Variants in FGF12 observed in about 807,000 individuals in gnomAD.
FGF12 encodes the protein fibroblast growth factor 12B.
Under a neutral mutation model 23.6 loss-of-function variants are expected in FGF12, and 14 were observed. The ratio of observed to expected loss-of-function variants is 0.59; its 90% CI spans 0.39 to 0.93. The LOEUF is 0.93. Ranked by LOEUF, FGF12 falls within the 40% of genes least tolerant of loss-of-function variation. FGF12 has a pLI of 0.00. For missense variants in FGF12, 175 were observed against 217.8 expected (o/e 0.80, Z 1.24); for synonymous variants, 62 against 77.3 (o/e 0.80, Z 1.04).
chr3:192,322,456 A>G (rs1716596028), intron 4 of FGF12, among the ~76,000 whole-genome samples: 1 of 151,962 alleles, frequency 6.6e-6, no homozygotes. Flanking sequence ...TTACAGAAAT[A>G]GAAAAAAATA....
intron 2 of FGF12, among the ~76,000 whole-genome samples, chr3:192,435,387 A>ACAG (rs1198749955): frequency 6.6e-6 from 1 of 152,180 alleles, no homozygotes; most frequent in African/African-American, 2.4e-5. Flanking sequence ...GAGACAGGAG[A>ACAG]GCTTAGCAAA....
At chr3:192,170,277 C>T (rs903642221) in intron 5 of FGF12, among the ~76,000 whole-genome samples, 181 bp downstream of exon 5, 4 of 113,230 alleles carry the variant, frequency 3.5e-5, no homozygotes, top group African/African-American at 1.7e-4. Context: ...AAGACTCTGC[C>T]TCAAAAGAAA....
At chr3:192,356,580 C>A (rs1373062813) in intron 3 of FGF12, among the ~76,000 whole-genome samples, 1 of 152,098 alleles carries the variant, frequency 6.6e-6, no homozygotes, top group Non-Finnish European at 1.5e-5. Flanking sequence ...TCTGTTCCTG[C>A]CGACAAATCC....
rs562451087 is a variant in FGF12 at position 192,267,897 on chromosome 3, A to G, written c.228+67464T>C. Among the ~76,000 whole-genome samples, 31 of 152,322 alleles carry G rather than the reference A, an allele frequency of 2.0e-4. No homozygotes were observed. The East Asian group carries it at 5.6e-3, about 27-fold the overall frequency. On this transcript the variant is annotated intron_variant, in intron 4 of 5. Coordinates refer to ENST00000445105, the MANE Select transcript of FGF12 (RefSeq NM_004113.6). ...ACAAATTTCTAACAACGCACCTTTA[A>G]TAAGTTTAACACAAATCATAGTTCT...
chr3:192,346,228 C>CCCT (rs753532114), intron 3 of FGF12, among the ~76,000 whole-genome samples: 3 of 152,146 alleles, frequency 2.0e-5, no homozygotes, highest in Non-Finnish European at 2.9e-5. Flanking sequence ...AGCTTACACT[C>CCCT]CCTTAAGTGT....
intron 5 of FGF12, among the ~76,000 whole-genome samples, chr3:192,148,589 T>C (rs1713856040): frequency 6.6e-6 from 1 of 152,184 alleles, no homozygotes; most frequent in African/African-American, 2.4e-5. Context: ...TAAAAATGAT[T>C]AAAATGGTAA....
At chr3:192,267,318 G>A (rs1278411410) in intron 4 of FGF12, among the ~76,000 whole-genome samples, 20 of 152,056 alleles carry the variant, frequency 1.3e-4, no homozygotes, top group Admixed American at 1.2e-3. Flanking sequence ...TCATCTTTAT[G>A]CCAAAATACA....
chr3:192,583,631 CT>C (rs943941881), intron 2 of FGF12, among the ~76,000 whole-genome samples: 1 of 152,176 alleles, frequency 6.6e-6, no homozygotes, highest in African/African-American at 2.4e-5. Context: ...TTCAGACCCC[CT>C]GACTTCATCC....
intron 2 of FGF12, among the ~76,000 whole-genome samples, chr3:192,647,716 T>TATAC (rs1716062812): frequency 2.8e-5 from 4 of 145,282 alleles, no homozygotes; most frequent in African/African-American, 1.1e-4. Flanking sequence ...TATATACATA[T>TATAC]ATATATACAC....
intron 2 of FGF12, among the ~76,000 whole-genome samples, chr3:192,378,707 C>CTT (rs11382928): frequency 1.3e-5 from 2 of 151,610 alleles, no homozygotes; most frequent in Admixed American, 6.6e-5. Context: ...ATCAAAAGCA[C>CTT]TTTTTTTTAG....
chr3:192,296,062 CTTTTTT>C (rs34021285), intron 4 of FGF12, among the ~76,000 whole-genome samples: 1 of 78,092 alleles, frequency 1.3e-5, no homozygotes, highest in Non-Finnish European at 2.4e-5. Flanking sequence ...GTTTTTCTTT[CTTTTTT>C]TTTTTTTTTT....
At chr3:192,224,671 T>C (rs1718641906) in intron 4 of FGF12, among the ~76,000 whole-genome samples, 1 of 152,156 alleles carries the variant, frequency 6.6e-6, no homozygotes, top group Non-Finnish European at 1.5e-5. Context: ...TGTTTTCATT[T>C]TTATAATGAG....
At chr3:192,529,820 G>C (rs1725043276) in intron 2 of FGF12, among the ~76,000 whole-genome samples, 2 of 151,944 alleles carry the variant, frequency 1.3e-5, no homozygotes, top group Non-Finnish European at 2.9e-5. Flanking sequence ...AACAGCACAG[G>C]AAAGACCCAC....
At chr3:192,702,210 A>C (rs928400053) in intron 2 of FGF12, among the ~76,000 whole-genome samples, 1 of 152,188 alleles carries the variant, frequency 6.6e-6, no homozygotes. Flanking sequence ...CCTTTCTTAA[A>C]GGCTGAATTG....
intron 4 of FGF12, among the ~76,000 whole-genome samples, chr3:192,322,769 T>C (rs1355613705): frequency 2.6e-5 from 4 of 152,130 alleles, no homozygotes; most frequent in Non-Finnish European, 4.4e-5. Flanking sequence ...CTTTGATAAA[T>C]GGTGCTTGGA....
chr3:192,581,259 A>G (rs1381773105), intron 2 of FGF12, among the ~76,000 whole-genome samples: 1 of 151,966 alleles, frequency 6.6e-6, no homozygotes, highest in East Asian at 1.9e-4. Context: ...AGCATGTTAA[A>G]ATATATTTCA....
chr3:192,658,980 G>T (rs569454835), intron 2 of FGF12, among the ~76,000 whole-genome samples: 251 of 152,266 alleles, frequency 1.6e-3, no homozygotes, highest in Non-Finnish European at 3.0e-3. Context: ...CAGGGTTAGT[G>T]GTCCGGCCAG....
intron 4 of FGF12, among the ~76,000 whole-genome samples, chr3:192,296,499 C>T (rs1247930144): frequency 6.6e-6 from 1 of 152,164 alleles, no homozygotes; most frequent in Non-Finnish European, 1.5e-5. Flanking sequence ...GGTGGGATTA[C>T]ATGTGTGAGA....
intron 2 of FGF12, among the ~76,000 whole-genome samples, chr3:192,417,861 C>T (rs765840631): frequency 2.0e-5 from 3 of 151,970 alleles, no homozygotes; most frequent in Non-Finnish European, 4.4e-5. Context: ...TTTCAGGCAA[C>T]AGCTAAGAGA....
Sources: allele counts gnomAD v4.1 joint callset (sites outside exome capture counted in the v4.1 genomes callset), GRCh38; gene constraint gnomAD v4.1.1; transcripts MANE v1.5; gene names NCBI Gene and HGNC (gene_info 2026-07-23, HGNC 2026-07-21).